CFAP47: variants seen among roughly 807,000 people sequenced by gnomAD.
CFAP47 encodes cilia and flagella associated protein 47, also known as cilia- and flagella-associated protein 47.
In CFAP47, 29 loss-of-function variants were observed where a neutral mutation model predicts 148.1. That is an observed-to-expected ratio of 0.20 (90% CI 0.15 to 0.27). CFAP47 has a LOEUF of 0.27. Among genes scored for constraint, CFAP47 ranks in the 10% least tolerant of loss-of-function variants. The probability of loss-of-function intolerance (pLI) is 1.00; values close to 1 mark genes in which losing one functional copy is unlikely to be tolerated. For synonymous variants in CFAP47, 664 were observed against 577.3 expected, an observed-to-expected ratio of 1.15 and a Z score of -2.15; for missense variants, 1,872 against 1,697.5, an observed-to-expected ratio of 1.10 and a Z score of -1.81.
In CFAP47 at chrX:35,956,389, T is replaced by C. The variant is rs1048231299; in HGVS notation, c.1410+193T>C. On this transcript the variant is annotated intron_variant, in intron 8 of 63. Coordinates refer to ENST00000378653, the MANE Select transcript of CFAP47 (RefSeq NM_001304548.2). ...AATGATTTGTTAAGTGCCTGTCATGTGCCAGTGAAAGCATTTGGCACTAGG... is the reference window on the plus strand; with the variant it reads ...AATGATTTGTTAAGTGCCTGTCATGCGCCAGTGAAAGCATTTGGCACTAGG... Among the ~76,000 whole-genome samples the C allele has an allele frequency of 3.6e-5, 4 of 112,094 alleles. No homozygotes were observed. In the East Asian group the frequency reaches 8.4e-4, roughly 24 times the overall value.
At chrX:36,160,427 C>T (rs1352056484) in intron 38 of CFAP47, among the ~76,000 whole-genome samples, 1 of 111,241 alleles carries the variant, frequency 9.0e-6, no homozygotes, top group African/African-American at 3.3e-5. Flanking sequence ...TCCCCATCTT[C>T]CCCTATATGG....
chrX:36,274,034 T>C (rs782575947), intron 49 of CFAP47, among the ~76,000 whole-genome samples: 1 of 112,205 alleles, frequency 8.9e-6, no homozygotes, highest in South Asian at 3.6e-4. Flanking sequence ...ATTGCTTCTG[T>C]AGTTCTCTTC....
intron 45 of CFAP47, among the ~76,000 whole-genome samples, chrX:36,226,001 T>C (rs1555991467): frequency 8.9e-6 from 1 of 111,955 alleles, no homozygotes; most frequent in Non-Finnish European, 1.9e-5. Flanking sequence ...TCAGTCCCAC[T>C]GGGGGCCTCT....
At chrX:36,200,009 C>G (rs782658851) in intron 42 of CFAP47, among the ~76,000 whole-genome samples, 1 of 111,905 alleles carries the variant, frequency 8.9e-6, no homozygotes, top group Non-Finnish European at 1.9e-5. Flanking sequence ...GACTCAGATG[C>G]CTGGCAAAAC....
chrX:36,151,388 A>C (rs906536609), intron 37 of CFAP47, among the ~76,000 whole-genome samples: 1 of 111,890 alleles, frequency 8.9e-6, no homozygotes, highest in African/African-American at 3.2e-5. Flanking sequence ...GTAAATATTA[A>C]CATACTTAAT....
chrX:36,030,190 C>G (rs1471775567), intron 22 of CFAP47, among the ~76,000 whole-genome samples: 1 of 110,652 alleles, frequency 9.0e-6, no homozygotes, highest in East Asian at 2.8e-4. Flanking sequence ...GGAAGTATGT[C>G]TGGGAAATTA....
chrX:36,099,648 G>A, intron 31 of CFAP47, 103 bp from the exon 32 acceptor site: 2 of 408,912 alleles, frequency 4.9e-6, no homozygotes, highest in South Asian at 8.7e-5. Context: ...TAGAGCTCTT[G>A]ATTAAAGTAT....
At chrX:36,296,022 T>TA (rs1190357161) in intron 51 of CFAP47, among the ~76,000 whole-genome samples, 6 of 111,959 alleles carry the variant, frequency 5.4e-5, no homozygotes, top group African/African-American at 1.9e-4. Flanking sequence ...GCAGTACTGG[T>TA]AGCGCTAAGC....
chrX:36,337,924 T>A (rs1332328171), intron 57 of CFAP47, among the ~76,000 whole-genome samples: 3 of 92,142 alleles, frequency 3.3e-5, no homozygotes, highest in Non-Finnish European at 6.3e-5. Context: ...TGGAGTGCGG[T>A]GTGGCGCGAT....
chrX:36,353,945 G>A (rs1941764094), intron 60 of CFAP47, among the ~76,000 whole-genome samples: 1 of 111,788 alleles, frequency 8.9e-6, no homozygotes, highest in Non-Finnish European at 1.9e-5. Flanking sequence ...GAAAACTGTA[G>A]TAACTATAAT....
Position 36,195,231 on chromosome X carries a change from G to A in CFAP47, c.6321+5035G>A, listed in dbSNP as rs373648312. Reference sequence around the variant, plus strand: ...TATGATAGTGAAGACAGGGATAATTGATTAATACAGGAGTTTGATCAAGGA... The same window carrying A: ...TATGATAGTGAAGACAGGGATAATTAATTAATACAGGAGTTTGATCAAGGA... On this transcript the variant is annotated intron_variant, in intron 42 of 63. Transcript: ENST00000378653. Among the ~76,000 whole-genome samples, 21 of 112,494 alleles carry A rather than the reference G, an allele frequency of 1.9e-4. No homozygotes were observed. The East Asian group carries it at 5.4e-3, about 29-fold the overall frequency.
rs782018836 is a variant in CFAP47 at position 36,211,679 on chromosome X, G to A, written c.6817+6569G>A. ...CAGTAAGAAAAAGAAAGAAGAGGAG[G>A]AAGATGAAGAAGATGAAGATCAAGG... On this transcript the variant is annotated intron_variant, in intron 45 of 63. Coordinates refer to ENST00000378653, the MANE Select transcript of CFAP47 (RefSeq NM_001304548.2). 2.2e-5 allele frequency: 4 copies of A among 185,128 alleles called. No homozygotes were observed. In the Admixed American group the frequency reaches 2.4e-4, roughly 11 times the overall value. 15.3% of individuals were successfully genotyped at this position (185,128 alleles called of 1,213,427 possible).
At chrX:36,268,071 T>C (rs1940915613) in intron 49 of CFAP47, among the ~76,000 whole-genome samples, 1 of 112,982 alleles carries the variant, frequency 8.9e-6, no homozygotes, top group Admixed American at 9.3e-5. Flanking sequence ...AGACATGAAT[T>C]CATTTGTGTA....
At chrX:36,106,088 T>C (rs998117429) in intron 33 of CFAP47, among the ~76,000 whole-genome samples, 47 of 112,333 alleles carry the variant, frequency 4.2e-4, no homozygotes, top group African/African-American at 1.4e-3. Flanking sequence ...TGTCACCTTA[T>C]CTGAGAAGGT....
chrX:36,002,873 A>C (rs1196418652), intron 21 of CFAP47, among the ~76,000 whole-genome samples: 1 of 111,506 alleles, frequency 9.0e-6, no homozygotes, highest in African/African-American at 3.3e-5. Flanking sequence ...TTTCAGGAAA[A>C]ATGTAAGCTG....
intron 33 of CFAP47, among the ~76,000 whole-genome samples, chrX:36,123,424 C>T (rs1471168669): frequency 1.8e-5 from 2 of 111,910 alleles, no homozygotes; most frequent in Admixed American, 1.9e-4. Flanking sequence ...GTTCAACAGC[C>T]AGGGACTAAA....
At chrX:36,169,682 T>G (rs973582415) in intron 39 of CFAP47, among the ~76,000 whole-genome samples, 3 of 111,485 alleles carry the variant, frequency 2.7e-5, no homozygotes, top group Non-Finnish European at 3.8e-5. Context: ...GTATCTCATA[T>G]GCAGCATTAA....
At chrX:36,239,561 G>A (rs1940515640) in intron 48 of CFAP47, among the ~76,000 whole-genome samples, 1 of 111,976 alleles carries the variant, frequency 8.9e-6, no homozygotes, top group African/African-American at 3.2e-5. Flanking sequence ...TATTTGACTT[G>A]TCTCAGAGTT....
intron 21 of CFAP47, among the ~76,000 whole-genome samples, chrX:36,007,901 T>C (rs1266226161): frequency 1.8e-5 from 2 of 111,501 alleles, no homozygotes; most frequent in African/African-American, 6.5e-5. Flanking sequence ...AGTTAAGGGC[T>C]GAGATGAGTA....
Sources: allele counts gnomAD v4.1 joint callset (sites outside exome capture counted in the v4.1 genomes callset), GRCh38; gene constraint gnomAD v4.1.1; transcripts MANE v1.5; gene names NCBI Gene and HGNC (gene_info 2026-07-23, HGNC 2026-07-21).